OCA2: variants seen among roughly 807,000 people sequenced by gnomAD.
OCA2 encodes P protein.
OCA2 carries 77 observed loss-of-function variants against 100.2 expected under a neutral mutation model. That is an observed-to-expected ratio of 0.77 (90% CI 0.64 to 0.93). The LOEUF is 0.93. OCA2 is among the 40% of genes least tolerant of loss of function. The pLI is 0.00. For missense variants in OCA2, 1,062 were observed against 1,089.1 expected, an observed-to-expected ratio of 0.98 and a Z score of 0.35; for synonymous variants, 432 against 439.2, an observed-to-expected ratio of 0.98 and a Z score of 0.21.
chr15:27,890,086 T>C (rs775020919), intron 19 of OCA2, among the ~76,000 whole-genome samples: 13 of 152,068 alleles, frequency 8.5e-5, no homozygotes, highest in South Asian at 2.1e-4. Flanking sequence ...ATAGTAGAGA[T>C]AATAAAGAAA....
At chr15:27,748,997 C>T in the OCA2 span, among the ~76,000 whole-genome samples, 2,254 of 151,890 alleles carry the variant, frequency 0.015, 26 homozygotes, top group South Asian at 0.052. Flanking sequence ...TGTAATTCAA[C>T]ATTTGTATCA....
intron 23 of OCA2, among the ~76,000 whole-genome samples, chr15:27,810,494 A>ATTTACTAATT (rs2034033099): frequency 2.0e-5 from 3 of 152,256 alleles, no homozygotes; most frequent in African/African-American, 7.2e-5. Context: ...GACAAAAATG[A>ATTTACTAATT]AAGTAAATAA....
intron 9 of OCA2, among the ~76,000 whole-genome samples, chr15:28,002,163 C>G (rs540557185): frequency 6.6e-6 from 1 of 152,310 alleles, no homozygotes; most frequent in South Asian, 2.1e-4. Flanking sequence ...AAAATGGCAA[C>G]TAGGCTTGCA....
At chr15:28,032,557 G>A (rs1222277455) in intron 2 of OCA2, among the ~76,000 whole-genome samples, 8 of 151,926 alleles carry the variant, frequency 5.3e-5, no homozygotes, top group African/African-American at 9.7e-5. Flanking sequence ...AGACTGAGGC[G>A]GGTGAACCAC....
chr15:27,722,804 C>T, the OCA2 span, among the ~76,000 whole-genome samples: 11 of 123,444 alleles, frequency 8.9e-5, no homozygotes, highest in South Asian at 2.5e-4. Flanking sequence ...CTCTCTCTTT[C>T]TCTCTCTCTT....
intron 1 of OCA2, among the ~76,000 whole-genome samples, chr15:28,085,323 C>T (rs866774765): frequency 9.9e-5 from 15 of 152,022 alleles, no homozygotes; most frequent in South Asian, 2.1e-4. Flanking sequence ...CTGAATCAGC[C>T]GGGGTCCAAG....
Position 27,932,420 on chromosome 15 carries a change from G to A in OCA2, c.1952-6166C>T, listed in dbSNP as rs540027983. On this transcript the variant is annotated intron_variant, in intron 18 of 23. Transcript: ENST00000354638. ...CACCTGAGGAATAGGAGCAAAATCTGGGGAGAGTTTCTTTGTGAAACTGAG... is the reference window on the plus strand; with the variant it reads ...CACCTGAGGAATAGGAGCAAAATCTAGGGAGAGTTTCTTTGTGAAACTGAG... 1.6e-3 allele frequency among the ~76,000 whole-genome samples: 244 copies of A among 152,252 alleles called. 2 individuals are homozygous for A. Among genetic ancestry groups the A allele is most frequent in the African/African-American group, 5.5e-3 (229 of 41,552 alleles).
intron 21 of OCA2, among the ~76,000 whole-genome samples, chr15:27,857,386 G>C (rs377559378): frequency 6.6e-6 from 1 of 152,250 alleles, no homozygotes; most frequent in South Asian, 2.1e-4. Flanking sequence ...GTAAGATGGT[G>C]GTTGCCAAGG....
intron 18 of OCA2, among the ~76,000 whole-genome samples, chr15:27,933,935 C>A (rs1048776565): frequency 1.3e-5 from 2 of 151,980 alleles, no homozygotes; most frequent in African/African-American, 4.8e-5. Context: ...GTTAAAATGA[C>A]AAGTTGTATG....
chr15:27,919,599 T>C (rs2140323230), intron 19 of OCA2, among the ~76,000 whole-genome samples: 1 of 152,058 alleles, frequency 6.6e-6, no homozygotes, highest in Middle Eastern at 3.4e-3. Flanking sequence ...ATAAGATCAG[T>C]GATTTCCAGG....
At chr15:27,903,375 C>G (rs59950483) in intron 19 of OCA2, among the ~76,000 whole-genome samples, 1 of 152,078 alleles carries the variant, frequency 6.6e-6, no homozygotes, top group Non-Finnish European at 1.5e-5. Context: ...CGCTCCAGGA[C>G]GCCTGTGCAG....
rs2034942334 is a variant in OCA2 at position 27,831,284 on chromosome 15, C to CAAAAAAAAAGAA, written c.2432+13674_2432+13675insTTCTTTTTTTTT. The stretch of plus-strand genomic sequence containing the variant: ...CTGGTGACAGAGCGAGACTCCGTCT[C>CAAAAAAAAAGAA]AAAAAAAAAAAAAAAAAAAAAATCG... On this transcript the variant is annotated intron_variant, in intron 23 of 23. Coordinates refer to ENST00000354638, the MANE Select transcript of OCA2 (RefSeq NM_000275.3). 4.8e-5 allele frequency among the ~76,000 whole-genome samples: 3 copies of CAAAAAAAAAGAA among 62,618 alleles called. 1 individual carries two copies. Among genetic ancestry groups the CAAAAAAAAAGAA allele is most frequent in the Non-Finnish European group, 8.5e-5 (3 of 35,368 alleles). 41.1% of individuals were successfully genotyped at this position (62,618 alleles called of 152,430 possible).
the OCA2 span, among the ~76,000 whole-genome samples, chr15:27,724,617 A>G: frequency 4.1e-4 from 62 of 152,156 alleles, no homozygotes; most frequent in Non-Finnish European, 7.6e-4. Context: ...TGCTGGCAGT[A>G]TTACTGCACA....
At chr15:27,866,914 T>C (rs747967136) in intron 21 of OCA2, among the ~76,000 whole-genome samples, 1 of 152,068 alleles carries the variant, frequency 6.6e-6, no homozygotes, top group Admixed American at 6.5e-5. Flanking sequence ...TCTGGAGAAT[T>C]TGGAGGAGAG....
At position 27,831,308 on chromosome 15, in the gene OCA2, C is replaced by A. The variant is rs568251158; in HGVS notation, c.2432+13651G>T. Among the ~76,000 whole-genome samples the A allele has an allele frequency of 6.1e-3, 408 of 66,896 alleles. 3 individuals are homozygous for A. The highest frequency in any genetic ancestry group is 0.019 in the African/African-American group (389 of 20,808). The allele number at this position is 66,896 out of a possible 152,430, so 43.9% of individuals were successfully genotyped here. On this transcript the variant is annotated intron_variant, in intron 23 of 23. Transcript: ENST00000354638. ...TCAAAAAAAAAAAAAAAAAAAAAAT[C>A]GGTCTGAGTCCAGTGAGTCCAGGCT...
intron 21 of OCA2, among the ~76,000 whole-genome samples, chr15:27,858,815 T>C (rs1206194209): frequency 1.3e-5 from 2 of 152,046 alleles, no homozygotes; most frequent in Non-Finnish European, 2.9e-5. Context: ...CAATTCTCAA[T>C]AAATTTTAAA....
At chr15:28,066,456 G>A (rs80150327) in intron 2 of OCA2, among the ~76,000 whole-genome samples, 1,728 of 152,174 alleles carry the variant, frequency 0.011, 40 homozygotes, top group African/African-American at 0.039. Context: ...CTCTCCTCCC[G>A]TTGGAATTCA....
At chr15:27,778,507 G>A (rs1356233915) in intron 23 of OCA2, among the ~76,000 whole-genome samples, 1 of 152,158 alleles carries the variant, frequency 6.6e-6, no homozygotes, top group Non-Finnish European at 1.5e-5. Context: ...AATAGCAAGA[G>A]ACACTGCACA....
intron 23 of OCA2, among the ~76,000 whole-genome samples, chr15:27,824,780 G>A (rs1442947384): frequency 3.3e-5 from 5 of 151,712 alleles, no homozygotes; most frequent in African/African-American, 9.7e-5. Flanking sequence ...CCTCGCACAC[G>A]ACTCAGGTGT....
Sources: gnomAD v4.1 joint callset for allele counts (sites outside exome capture counted in the v4.1 genomes callset) on GRCh38, gnomAD v4.1.1 for gene constraint, MANE v1.5 for transcripts, NCBI Gene and HGNC (gene_info 2026-07-23, HGNC 2026-07-21) for gene names.